EXOSC10: variants seen among roughly 807,000 people sequenced by gnomAD.
EXOSC10 encodes the protein exosome complex component 10.
A neutral mutation model predicts 126.6 loss-of-function variants in EXOSC10; 94 were observed. That is an observed-to-expected ratio of 0.74 (90% CI 0.63 to 0.88). The LOEUF (loss-of-function observed/expected upper bound fraction) is 0.88, where lower values mean the gene tolerates loss of function less well. EXOSC10 is among the 40% of genes least tolerant of loss of function. The pLI is 0.00. For missense variants in EXOSC10, 1,041 were observed against 1,100.5 expected, an observed-to-expected ratio of 0.95 and a Z score of 0.77; for synonymous variants, 395 against 400.8, an observed-to-expected ratio of 0.99 and a Z score of 0.17.
Position 11,068,208 on chromosome 1 carries a change from G to C in EXOSC10, c.2551-124C>G, listed in dbSNP as rs539896380. 20 of 733,716 alleles carry C rather than the reference G, an allele frequency of 2.7e-5. No homozygotes were observed. The African/African-American group carries it at 3.5e-4, about 13-fold the overall frequency. The allele number at this position is 733,716 out of a possible 1,614,324, so 45.5% of individuals were successfully genotyped here. ...ACAGGAGTGACTTTAGATCCCCTGAGAGAGGATGTTTCTGTGTCTCTGAAG... is the reference window on the plus strand; with the variant it reads ...ACAGGAGTGACTTTAGATCCCCTGACAGAGGATGTTTCTGTGTCTCTGAAG... On this transcript the variant is annotated intron_variant, in intron 23 of 24. Coordinates refer to ENST00000376936, the MANE Select transcript of EXOSC10 (RefSeq NM_001001998.3).
At chr1:11,070,166 G>A (rs1367334021) in intron 21 of EXOSC10, among the ~76,000 whole-genome samples, 1 of 150,394 alleles carries the variant, frequency 6.6e-6, no homozygotes, top group East Asian at 2.0e-4. Context: ...GAACCCAGGA[G>A]TACAAGGCTG....
chr1:11,085,470 T>C (rs1054443782), intron 9 of EXOSC10, among the ~76,000 whole-genome samples: 20 of 152,380 alleles, frequency 1.3e-4, no homozygotes, highest in African/African-American at 4.8e-4. Flanking sequence ...ATATTGATTT[T>C]GTATCCTGAG....
intron 17 of EXOSC10, among the ~76,000 whole-genome samples, chr1:11,075,299 G>T (rs777286679): frequency 3.9e-5 from 6 of 152,172 alleles, no homozygotes; most frequent in Non-Finnish European, 8.8e-5. Context: ...GATTACAGGT[G>T]TGAGCCACCA....
rs1570816365 is a variant in EXOSC10 at position 11,080,707 on chromosome 1, T to A, written c.1586+57A>T. ...AAAAGAAAAAAGCCCATTATTTACT[T>A]GTTATTAGATCTCCTCAGTCTGGAA... On this transcript the variant is annotated intron_variant, in intron 12 of 24. Coordinates refer to ENST00000376936, the MANE Select transcript of EXOSC10 (RefSeq NM_001001998.3). 4 of 1,605,538 alleles carry A rather than the reference T, an allele frequency of 2.5e-6. No homozygotes were observed. The East Asian group carries it at 8.9e-5, about 36-fold the overall frequency.
intron 3 of EXOSC10, among the ~76,000 whole-genome samples, chr1:11,095,163 C>A (rs1381415804): frequency 6.8e-6 from 1 of 146,994 alleles, no homozygotes; most frequent in Non-Finnish European, 1.5e-5. Flanking sequence ...AGTGAACCAA[C>A]ATCGCCCCAC....
intron 22 of EXOSC10, among the ~76,000 whole-genome samples, chr1:11,069,227 C>CTGTGTGTGTATG (rs1553164201): frequency 5.9e-5 from 8 of 135,346 alleles, no homozygotes; most frequent in Non-Finnish European, 1.1e-4. Context: ...AAACAAAATT[C>CTGTGTGTGTATG]TGTGTGTGTG....
chr1:11,068,520 GA>G lies in EXOSC10; in HGVS notation c.2550+124del. 4 of 763,252 alleles carry G rather than the reference GA, an allele frequency of 5.2e-6. No homozygotes were observed. In the South Asian group the frequency reaches 6.2e-5, roughly 12 times the overall value. 47.3% of individuals were successfully genotyped at this position (763,252 alleles called of 1,614,324 possible). On this transcript the variant is annotated intron_variant, in intron 23 of 24. Coordinates refer to ENST00000376936, the MANE Select transcript of EXOSC10 (RefSeq NM_001001998.3). ...GATCAGTACTGTCTGCCCTTGGGAA[GA>G]AATGAGGTGAGGAAAAAGATATGCA... is the stretch of plus-strand genomic sequence containing the variant.
intron 13 of EXOSC10, 39 bp from the exon 14 acceptor site, chr1:11,079,861 A>G (rs1165088432): frequency 1.3e-6 from 2 of 1,514,650 alleles, no homozygotes; most frequent in African/African-American, 1.4e-5. Flanking sequence ...TGTCACTCAG[A>G]AACGCAGCCC....
At chr1:11,095,230 G>T (rs72647292) in intron 3 of EXOSC10, among the ~76,000 whole-genome samples, 1 of 133,434 alleles carries the variant, frequency 7.5e-6, no homozygotes, top group East Asian at 2.3e-4. Context: ...AAAAAAAAAA[G>T]AAGCTTCCAT....
chr1:11,083,302 C>T (rs193227124), intron 9 of EXOSC10, among the ~76,000 whole-genome samples: 152 of 152,192 alleles, frequency 1.0e-3, no homozygotes, highest in African/African-American at 3.3e-3. Context: ...TGGTGGATCA[C>T]GCCTGTAATC....
chr1:11,071,483 C>G (rs1165225198), intron 20 of EXOSC10: 1 of 168,062 alleles, frequency 6.0e-6, no homozygotes, highest in Non-Finnish European at 1.3e-5. Context: ...ACGCTGGTCT[C>G]AAAGCCACCA....
intron 6 of EXOSC10, 23 bp from the exon 7 acceptor site, chr1:11,088,221 G>A (rs1445889320): frequency 3.4e-5 from 52 of 1,548,728 alleles, no homozygotes; most frequent in Non-Finnish European, 4.2e-5. Context: ...AACAAAAAGA[G>A]AAATCATTCT....
At chr1:11,094,329 T>C (rs1195940604) in intron 3 of EXOSC10, among the ~76,000 whole-genome samples, 1 of 151,070 alleles carries the variant, frequency 6.6e-6, no homozygotes, top group Non-Finnish European at 1.5e-5. Context: ...CGTCTCACTC[T>C]TGATGCCCAG....
At chr1:11,089,222 TAAA>T (rs533212430) in intron 6 of EXOSC10, among the ~76,000 whole-genome samples, 3 of 49,702 alleles carry the variant, frequency 6.0e-5, no homozygotes, top group Non-Finnish European at 9.6e-5. Flanking sequence ...AGAGCAAAAC[TAAA>T]AAAAAAAAAA....
chr1:11,091,052 A>C lies in EXOSC10; in HGVS notation c.605T>G (p.Ile202Ser), dbSNP rs201992382. The C allele has an allele frequency of 1.2e-6, 2 of 1,614,164 alleles. No homozygotes were observed. The highest frequency in any genetic ancestry group is 2.7e-5 in the African/African-American group (2 of 75,034). Residue 202 changes from isoleucine (I) to serine (S), a missense_variant, in exon 5 of 25, where the codon ATC becomes AGC. This residue lies in a region of EXOSC10 where 645 missense variants were observed against 656.3 expected (regional missense o/e 0.98). Transcript: ENST00000376936. ...DNSNTPFLPK[I>S]FIKPNAQKPL... ...TTTCTGAGCATTGGGTTTGATGAAG[A>C]TTTTAGGAAGAAATGGTGTGTTGGA...
At chr1:11,067,909 C>T (rs548562972) in intron 24 of EXOSC10, 99 bp downstream of exon 24, 1 of 1,028,708 alleles carries the variant, frequency 9.7e-7, no homozygotes, top group Non-Finnish European at 1.5e-6. Context: ...TTGAAGACCC[C>T]TGGACACTCG....
At chr1:11,096,185 T>C (rs1310777860) in intron 2 of EXOSC10, among the ~76,000 whole-genome samples, 2 of 151,154 alleles carry the variant, frequency 1.3e-5, no homozygotes, top group African/African-American at 2.4e-5. Flanking sequence ...GGTTTTGCCA[T>C]GTTGGCCAGG....
chr1:11,067,879 G>A, intron 24 of EXOSC10, 129 bp downstream of exon 24: 1 of 723,298 alleles, frequency 1.4e-6, no homozygotes, highest in Non-Finnish European at 2.3e-6. Context: ...GGCTGTGGGA[G>A]GTTCTCTGAG....
intron 23 of EXOSC10, 28 bp downstream of exon 23, chr1:11,068,617 G>A: frequency 6.3e-7 from 1 of 1,595,320 alleles, no homozygotes. Context: ...CCACCAGCGT[G>A]CTAAAATCCT....
Sources: gnomAD v4.1 joint callset for allele counts (sites outside exome capture counted in the v4.1 genomes callset) on GRCh38, gnomAD v4.1.1 for gene constraint, gnomAD v4.1.1 regional missense constraint, MANE v1.5 for transcripts, NCBI Gene and HGNC (gene_info 2026-07-23, HGNC 2026-07-21) for gene names.